The following CAMK4 variants were observed in gnomAD, a reference collection of about 807,000 sequenced individuals.
CAMK4 encodes calcium/calmodulin-dependent protein kinase type IV.
CAMK4 carries 22 observed loss-of-function variants against 44.9 expected under a neutral mutation model. That is an observed-to-expected ratio of 0.49 (90% CI 0.35 to 0.70). CAMK4 has a LOEUF of 0.70. Ranked by LOEUF, CAMK4 falls within the 30% of genes least tolerant of loss-of-function variation. The probability of loss-of-function intolerance (pLI) is 0.01; values close to 1 mark genes in which losing one functional copy is unlikely to be tolerated. For missense variants in CAMK4, 498 were observed against 586.8 expected, an observed-to-expected ratio of 0.85 and a Z score of 1.56; for synonymous variants, 218 against 215.4, an observed-to-expected ratio of 1.01 and a Z score of -0.11.
rs558819616 is a variant in CAMK4, at chr5:111,393,525, T to C, written c.387-1185T>C. ...AGATTAAATACAGAAAATGTACATA[T>C]ACACCATGCAATACTATGTAGCCAT... On this transcript the variant is annotated intron_variant, in intron 4 of 10. Transcript: ENST00000282356. Among the ~76,000 whole-genome samples, 10 of 152,212 alleles carry C rather than the reference T, an allele frequency of 6.6e-5. No individual in the cohort carries two copies. The East Asian group carries it at 1.7e-3, about 26-fold the overall frequency.
chr5:111,377,098 G>T (rs916619809), intron 4 of CAMK4, among the ~76,000 whole-genome samples, 156 bp downstream of exon 4: 1 of 152,102 alleles, frequency 6.6e-6, no homozygotes, highest in South Asian at 2.1e-4. Flanking sequence ...TTGAAGGAAG[G>T]TGGGTAGTGG....
At chr5:111,387,973 A>G (rs775308258) in intron 4 of CAMK4, among the ~76,000 whole-genome samples, 64 of 152,212 alleles carry the variant, frequency 4.2e-4, no homozygotes, top group African/African-American at 1.5e-3. Flanking sequence ...GTTCATTGCT[A>G]TTGAACTTTT....
At chr5:111,269,517 GT>G (rs1334267824) in intron 1 of CAMK4, among the ~76,000 whole-genome samples, 4 of 152,122 alleles carry the variant, frequency 2.6e-5, no homozygotes, top group African/African-American at 9.7e-5. Context: ...TGGCTGGTCT[GT>G]TTTTGGAAAT....
At chr5:111,471,702 A>G (rs1435897177) in intron 7 of CAMK4, among the ~76,000 whole-genome samples, 1 of 152,188 alleles carries the variant, frequency 6.6e-6, no homozygotes, top group Non-Finnish European at 1.5e-5. Flanking sequence ...ATAATTTTTT[A>G]TAATATGCAT....
chr5:111,283,706 C>CT (rs953168374), intron 1 of CAMK4, among the ~76,000 whole-genome samples: 3 of 152,110 alleles, frequency 2.0e-5, no homozygotes, highest in Non-Finnish European at 4.4e-5. Context: ...CAACAATAAC[C>CT]TTTTTTTTCA....
intron 5 of CAMK4, among the ~76,000 whole-genome samples, chr5:111,418,272 A>T (rs990137978): frequency 6.6e-6 from 1 of 152,112 alleles, no homozygotes; most frequent in Admixed American, 6.6e-5. Flanking sequence ...AAGGGGAGGG[A>T]GTGTGCAAAT....
intron 2 of CAMK4, among the ~76,000 whole-genome samples, chr5:111,362,238 G>T (rs1750621318): frequency 6.6e-6 from 1 of 151,958 alleles, no homozygotes; most frequent in East Asian, 1.9e-4. Flanking sequence ...GACTCTAAAT[G>T]ATCAAGCCAG....
upstream of CAMK4, chr5:111,223,753 C>G (rs888229525): frequency 3.3e-5 from 5 of 152,578 alleles, no homozygotes; most frequent in African/African-American, 1.2e-4. The surrounding 1 kb of genome is among the most constrained non-coding windows in gnomAD (Gnocchi z 4.3). Context: ...TCCTCCAGCT[C>G]TCACTGGGTC....
chr5:111,283,158 AG>A (rs1285152022), intron 1 of CAMK4: 3 of 152,368 alleles, frequency 2.0e-5, no homozygotes, highest in South Asian at 2.1e-4. Flanking sequence ...GGGACTGTCT[AG>A]ATTTGCATAA....
At position 111,308,554 on chromosome 5, in the gene CAMK4, G is replaced by A. The variant is rs560041065; in HGVS notation, c.162-35470G>A. 2.6e-5 allele frequency among the ~76,000 whole-genome samples: 4 copies of A among 152,224 alleles called. No homozygotes were observed. The South Asian group carries it at 8.3e-4, about 32-fold the overall frequency. On this transcript the variant is annotated intron_variant, in intron 1 of 10. Coordinates refer to ENST00000282356, the MANE Select transcript of CAMK4 (RefSeq NM_001744.6). Reference sequence around the variant, plus strand: ...CAGATGAAACTTAAAAATTAATTTTGGGAGCAATCCTTTTTGGAGATCAAT... The same window carrying A: ...CAGATGAAACTTAAAAATTAATTTTAGGAGCAATCCTTTTTGGAGATCAAT...
At position 111,486,982 on chromosome 5, in the gene CAMK4, C is replaced by A. The variant is rs1243729124; in HGVS notation, c.*2516C>A. ...AAATCAAACTTTCAAAAATGTTGGT[C>A]ATTTCAGTCAAATTATTCAAAGATT... On this transcript the variant is annotated 3_prime_UTR_variant, in exon 11 of 11. Coordinates refer to ENST00000282356, the MANE Select transcript of CAMK4 (RefSeq NM_001744.6). 6.6e-6 allele frequency: 1 copy of A among 152,110 alleles called. No homozygotes were observed. The highest frequency in any genetic ancestry group is 2.1e-4 in the South Asian group (1 of 4,826). 9.4% of individuals were successfully genotyped at this position (152,110 alleles called of 1,614,324 possible).
chr5:111,227,818 A>G (rs1203799461), intron 1 of CAMK4, among the ~76,000 whole-genome samples: 1 of 152,254 alleles, frequency 6.6e-6, no homozygotes, highest in Non-Finnish European at 1.5e-5. Context: ...TTTTGTTCAT[A>G]GAGTTTTTCA....
intron 1 of CAMK4, among the ~76,000 whole-genome samples, chr5:111,329,152 A>G (rs562560057): frequency 1.3e-5 from 2 of 151,944 alleles, no homozygotes; most frequent in African/African-American, 4.8e-5. Flanking sequence ...GTAGATGCAG[A>G]AAAGGCCTTT....
chr5:111,236,154 A>G (rs1408414819), intron 1 of CAMK4, among the ~76,000 whole-genome samples: 3 of 152,256 alleles, frequency 2.0e-5, no homozygotes, highest in Non-Finnish European at 2.9e-5. Flanking sequence ...TACCCAGCAC[A>G]TAAACTTAAT....
chr5:111,493,277 C>T lies in CAMK4; in HGVS notation c.*8811C>T, dbSNP rs1008437022. The T allele has an allele frequency of 1.3e-5, 2 of 152,106 alleles. No homozygotes were observed. The highest frequency in any genetic ancestry group is 2.9e-5 in the Non-Finnish European group (2 of 68,036). 9.4% of individuals were successfully genotyped at this position (152,106 alleles called of 1,614,324 possible). The stretch of plus-strand genomic sequence containing the variant: ...ACACATCGAAGATATTTTTGGGAGT[C>T]ACCAGGTTAAAGCAAAGCCTCAGTC... On this transcript the variant is annotated 3_prime_UTR_variant, in exon 11 of 11. Coordinates refer to ENST00000282356, the MANE Select transcript of CAMK4 (RefSeq NM_001744.6). The surrounding 1 kb of genome is among the most constrained non-coding windows in gnomAD (Gnocchi z 4.1).
chr5:111,452,215 T>A (rs2112983911), intron 7 of CAMK4, among the ~76,000 whole-genome samples: 1 of 152,320 alleles, frequency 6.6e-6, no homozygotes, highest in South Asian at 2.1e-4. Flanking sequence ...TAGGTGCTGT[T>A]TGTCACTTTG....
intron 1 of CAMK4, among the ~76,000 whole-genome samples, chr5:111,311,382 T>G (rs752795444): frequency 2.0e-5 from 3 of 152,204 alleles, no homozygotes; most frequent in Non-Finnish European, 2.9e-5. Context: ...TGTTTATACT[T>G]GTACCTCTGG....
intron 1 of CAMK4, among the ~76,000 whole-genome samples, chr5:111,303,703 T>G (rs1362540663): frequency 3.4e-5 from 5 of 147,474 alleles, no homozygotes; most frequent in Non-Finnish European, 2.9e-5. Flanking sequence ...TTCCCCAATC[T>G]AGCAAGGCAG....
At chr5:111,315,461 A>G (rs927558229) in intron 1 of CAMK4, among the ~76,000 whole-genome samples, 2 of 152,168 alleles carry the variant, frequency 1.3e-5, no homozygotes, top group Non-Finnish European at 2.9e-5. Flanking sequence ...GTATTCTGAA[A>G]TCAGATAAAG....
Sources: gnomAD v4.1 joint callset for allele counts (sites outside exome capture counted in the v4.1 genomes callset) on GRCh38, gnomAD v4.1.1 for gene constraint, Gnocchi (gnomAD v3.1) non-coding constraint, MANE v1.5 for transcripts, NCBI Gene and HGNC (gene_info 2026-07-23, HGNC 2026-07-21) for gene names.